SUCLG2: variants seen among roughly 807,000 people sequenced by gnomAD.
The protein encoded by SUCLG2 is succinate-CoA ligase GDP-forming subunit beta, also known as succinate--CoA ligase [GDP-forming] subunit beta, mitochondrial.
Under a neutral mutation model 47.9 loss-of-function variants are expected in SUCLG2, and 42 were observed. The ratio of observed to expected loss-of-function variants is 0.88; its 90% CI spans 0.69 to 1.14. SUCLG2 has a LOEUF of 1.14. Among genes scored for constraint, SUCLG2 ranks in the 50% most tolerant of loss-of-function variants. The pLI is 0.00. For missense variants in SUCLG2, 571 were observed against 525.9 expected, an observed-to-expected ratio of 1.09 and a Z score of -0.84; for synonymous variants, 195 against 197.3, an observed-to-expected ratio of 0.99 and a Z score of 0.10.
chr3:67,440,136 T>G (rs1703723948), intron 9 of SUCLG2, among the ~76,000 whole-genome samples: 1 of 152,214 alleles, frequency 6.6e-6, no homozygotes, highest in African/African-American at 2.4e-5. Flanking sequence ...GGGGAAAAGA[T>G]TCCCTATTTA....
intron 2 of SUCLG2, among the ~76,000 whole-genome samples, chr3:67,591,518 A>G (rs1708164485): frequency 6.6e-6 from 1 of 152,102 alleles, no homozygotes. Flanking sequence ...TTCCCCTGCT[A>G]TTCTCATTAT....
At chr3:67,643,613 G>A (rs1701141296) in intron 1 of SUCLG2, among the ~76,000 whole-genome samples, 1 of 152,196 alleles carries the variant, frequency 6.6e-6, no homozygotes, top group South Asian at 2.1e-4. Flanking sequence ...AGTATCCCCA[G>A]AGGGCTGGGG....
chr3:67,370,048 A>G (rs561782093), downstream of SUCLG2, among the ~76,000 whole-genome samples: 13 of 152,322 alleles, frequency 8.5e-5, no homozygotes, highest in East Asian at 2.3e-3. Flanking sequence ...GAGAAAACAT[A>G]GTTTAATGAA....
At chr3:67,552,172 CAA>C (rs55687048) in intron 2 of SUCLG2, among the ~76,000 whole-genome samples, 8,124 of 75,274 alleles carry the variant, frequency 0.11, 330 homozygotes, top group African/African-American at 0.19. Context: ...AACTCCATCT[CAA>C]AAAAAAAAAA....
chr3:67,424,192 A>G (rs1703241758), intron 9 of SUCLG2, among the ~76,000 whole-genome samples: 1 of 152,222 alleles, frequency 6.6e-6, no homozygotes, highest in African/African-American at 2.4e-5. Context: ...TAATCCATTT[A>G]AACATTTGTA....
At chr3:67,514,329 G>C in intron 6 of SUCLG2, 1 of 385,084 alleles carries the variant, frequency 2.6e-6, no homozygotes, top group South Asian at 2.5e-5. Context: ...ATTAAGTCTG[G>C]CAATGATGAC....
intron 5 of SUCLG2, among the ~76,000 whole-genome samples, chr3:67,519,094 A>G (rs1217146393): frequency 6.6e-6 from 1 of 151,810 alleles, no homozygotes; most frequent in East Asian, 1.9e-4. Context: ...AGCCAAGGCC[A>G]CTGTCTCTGT....
rs1382316978 is a variant in SUCLG2 at position 67,443,349 on chromosome 3, C to T, written c.1063-42498G>A. ...GTCTCAGTCTTTGCCGCCGCGCCGGCGAGCGCCCCTCGGGAGGCAGCGGCT... is the reference window on the plus strand; with the variant it reads ...GTCTCAGTCTTTGCCGCCGCGCCGGTGAGCGCCCCTCGGGAGGCAGCGGCT... On this transcript the variant is annotated intron_variant, in intron 9 of 10. Transcript: ENST00000307227. Among the ~76,000 whole-genome samples the T allele has an allele frequency of 1.2e-4, 5 of 41,426 alleles. 1 individual carries two copies. In the South Asian group the frequency reaches 3.0e-3, roughly 25 times the overall value. 27.2% of individuals were successfully genotyped at this position (41,426 alleles called of 152,430 possible). A position where few individuals can be genotyped will look rare whatever the true frequency, so the allele number is the denominator to read the frequency against.
At chr3:67,388,974 G>A (rs753645871) in intron 10 of SUCLG2, among the ~76,000 whole-genome samples, 21 of 152,156 alleles carry the variant, frequency 1.4e-4, no homozygotes, top group Admixed American at 4.6e-4. Context: ...TATTGGGGTC[G>A]TAACAGAGGT....
chr3:67,504,863 T>C (rs183645363), intron 7 of SUCLG2, among the ~76,000 whole-genome samples: 2 of 152,230 alleles, frequency 1.3e-5, no homozygotes, highest in East Asian at 3.9e-4. Flanking sequence ...GGTAGATAAA[T>C]AAATAAATAA....
chr3:67,626,913 C>CAA (rs35290770), intron 1 of SUCLG2, among the ~76,000 whole-genome samples: 2,226 of 39,362 alleles, frequency 0.057, 198 homozygotes, highest in Non-Finnish European at 0.064. Flanking sequence ...GACTCCGTCT[C>CAA]AAAAAAAAAA....
chr3:67,578,235 A>T (rs1466052391), intron 2 of SUCLG2, among the ~76,000 whole-genome samples: 1 of 146,902 alleles, frequency 6.8e-6, no homozygotes, highest in Non-Finnish European at 1.5e-5. Flanking sequence ...TATATAAAAA[A>T]TTTTACATAT....
intron 10 of SUCLG2, among the ~76,000 whole-genome samples, chr3:67,388,221 T>C (rs923839669): frequency 3.9e-5 from 6 of 152,186 alleles, no homozygotes; most frequent in African/African-American, 1.2e-4. Flanking sequence ...AAGAAAAATA[T>C]ACATAGTGAC....
In SUCLG2 at chr3:67,378,228, T is replaced by C. The variant is rs188051816; in HGVS notation, c.1184-2369A>G. The stretch of plus-strand genomic sequence containing the variant: ...TTGCCTCCTGGTAGTCACATCTTTG[T>C]AGAATCCGTCCCCCTTGAGTATGAT... On this transcript the variant is annotated intron_variant, in intron 10 of 10. Coordinates refer to ENST00000307227, the MANE Select transcript of SUCLG2 (RefSeq NM_003848.4). 2.0e-3 allele frequency among the ~76,000 whole-genome samples: 309 copies of C among 152,360 alleles called. 1 individual carries two copies. The highest frequency in any genetic ancestry group is 7.0e-3 in the African/African-American group (293 of 41,588).
intron 9 of SUCLG2, among the ~76,000 whole-genome samples, chr3:67,436,645 T>C (rs1183633919): frequency 6.6e-6 from 1 of 152,190 alleles, no homozygotes; most frequent in African/African-American, 2.4e-5. Flanking sequence ...ATATTATTAC[T>C]AGAAATTTAC....
intron 9 of SUCLG2, among the ~76,000 whole-genome samples, chr3:67,476,330 C>T (rs561736269): frequency 3.7e-4 from 56 of 152,062 alleles, no homozygotes; most frequent in Middle Eastern, 3.4e-3. Context: ...CGATCAGTGG[C>T]GGGATTAGAT....
Position 67,591,236 on chromosome 3 carries a change from G to A in SUCLG2, c.226+18219C>T, listed in dbSNP as rs888225785. Among the ~76,000 whole-genome samples the A allele has an allele frequency of 2.3e-4, 35 of 152,260 alleles. 1 individual carries two copies. In the East Asian group the frequency reaches 4.2e-3, roughly 18 times the overall value. ...TTAATAAATCAAGAGCACAAACAGC[G>A]CATACAAGGAAGCTAGGACAAACAA... On this transcript the variant is annotated intron_variant, in intron 2 of 10. Coordinates refer to ENST00000307227, the MANE Select transcript of SUCLG2 (RefSeq NM_003848.4).
chr3:67,376,103 T>C, intron 10 of SUCLG2: 2 of 985,470 alleles, frequency 2.0e-6, no homozygotes, highest in Non-Finnish European at 2.4e-6. Context: ...ATTTTACTGA[T>C]GGAAGCTGAG....
intron 2 of SUCLG2, among the ~76,000 whole-genome samples, chr3:67,551,368 G>T (rs540079320): frequency 6.6e-6 from 1 of 152,264 alleles, no homozygotes; most frequent in Middle Eastern, 3.4e-3. Flanking sequence ...TTTGACCCAA[G>T]GCCTGTGTCT....
Sources: gnomAD v4.1 joint callset for allele counts (sites outside exome capture counted in the v4.1 genomes callset) on GRCh38, gnomAD v4.1.1 for gene constraint, MANE v1.5 for transcripts, NCBI Gene and HGNC (gene_info 2026-07-23, HGNC 2026-07-21) for gene names.